Variants in ENOX2 observed in about 807,000 individuals in gnomAD.
The protein encoded by ENOX2 is APK1 antigen.
A neutral mutation model predicts 45.0 loss-of-function variants in ENOX2; 36 were observed. The ratio of observed to expected loss-of-function variants is 0.80; its 90% CI spans 0.61 to 1.06. The LOEUF (loss-of-function observed/expected upper bound fraction) is 1.06, where lower values mean the gene tolerates loss of function less well. ENOX2 is among the 50% of genes least tolerant of loss of function. ENOX2 has a pLI of 0.00. For synonymous variants in ENOX2, 174 were observed against 152.3 expected (o/e 1.14, Z -1.05); for missense variants, 423 against 462.5 (o/e 0.91, Z 0.78).
At chrX:130,897,609 C>T (rs1292571049) in intron 2 of ENOX2, among the ~76,000 whole-genome samples, 2 of 111,928 alleles carry the variant, frequency 1.8e-5, no homozygotes, top group Non-Finnish European at 3.8e-5. Context: ...AATAGCTAAT[C>T]CATACAGTCC....
At chrX:130,633,408 T>G (rs1159595962) in intron 12 of ENOX2, among the ~76,000 whole-genome samples, 1 of 112,686 alleles carries the variant, frequency 8.9e-6, no homozygotes, top group Non-Finnish European at 1.9e-5. Flanking sequence ...GATCAGTTTA[T>G]AATGAACTGT....
At chrX:130,675,273 G>A (rs1176922352) in intron 6 of ENOX2, among the ~76,000 whole-genome samples, 1 of 111,498 alleles carries the variant, frequency 9.0e-6, no homozygotes. Flanking sequence ...ATCCTCTCCA[G>A]CACCTGTTGT....
intron 3 of ENOX2, among the ~76,000 whole-genome samples, chrX:130,741,792 AT>A (rs758850832): frequency 9.0e-6 from 1 of 111,475 alleles, no homozygotes; most frequent in African/African-American, 3.3e-5. Flanking sequence ...GGATACACTA[AT>A]TAAAGGGGGA....
intron 2 of ENOX2, among the ~76,000 whole-genome samples, chrX:130,901,475 A>G (rs1308198951): frequency 8.9e-6 from 1 of 112,838 alleles, no homozygotes; most frequent in Non-Finnish European, 1.9e-5. Flanking sequence ...TGTGGGTTCA[A>G]TAAATAGCAG....
chrX:130,767,193 T>G (rs1371973266), intron 3 of ENOX2, among the ~76,000 whole-genome samples: 1 of 111,736 alleles, frequency 8.9e-6, no homozygotes, highest in Non-Finnish European at 1.9e-5. Flanking sequence ...GCTTTATTAT[T>G]ATTGCTTTTT....
intron 2 of ENOX2, among the ~76,000 whole-genome samples, chrX:130,834,380 G>A (rs1319818392): frequency 9.0e-6 from 1 of 111,161 alleles, no homozygotes; most frequent in African/African-American, 3.3e-5. Flanking sequence ...CCGGTTTCTG[G>A]TCTTGGGCAT....
chrX:130,877,566 C>T (rs771146049), intron 2 of ENOX2, among the ~76,000 whole-genome samples: 4 of 111,879 alleles, frequency 3.6e-5, no homozygotes, highest in Non-Finnish European at 7.5e-5. Context: ...AACTGGCACT[C>T]CATTTTGCAA....
At chrX:130,747,903 A>G (rs1413438079) in intron 3 of ENOX2, among the ~76,000 whole-genome samples, 1 of 112,393 alleles carries the variant, frequency 8.9e-6, no homozygotes, top group African/African-American at 3.2e-5. Flanking sequence ...CGGGCAATTC[A>G]GATTTTAGCT....
At chrX:130,771,367 A>G (rs2039737620) in intron 3 of ENOX2, among the ~76,000 whole-genome samples, 1 of 112,283 alleles carries the variant, frequency 8.9e-6, no homozygotes. Flanking sequence ...GGCCTCAACT[A>G]GCTTGGGACC....
At chrX:130,713,081 G>A (rs1444176056) in intron 3 of ENOX2, among the ~76,000 whole-genome samples, 1 of 112,552 alleles carries the variant, frequency 8.9e-6, no homozygotes, top group Non-Finnish European at 1.9e-5. Flanking sequence ...CACAGATACA[G>A]TTAATGTTGG....
At chrX:130,678,160 A>C (rs2037205090) in intron 6 of ENOX2, among the ~76,000 whole-genome samples, 1 of 110,681 alleles carries the variant, frequency 9.0e-6, no homozygotes, top group South Asian at 3.9e-4. Flanking sequence ...GACACACCCT[A>C]AATCTGAATT....
intron 9 of ENOX2, among the ~76,000 whole-genome samples, chrX:130,663,836 C>T (rs183872020): frequency 6.2e-4 from 69 of 111,795 alleles, no homozygotes; most frequent in Admixed American, 9.5e-4. Context: ...CTCCCCTCCT[C>T]CTCTTGATCA....
chrX:130,863,788 T>C (rs1173793847), intron 2 of ENOX2, among the ~76,000 whole-genome samples: 2 of 112,274 alleles, frequency 1.8e-5, no homozygotes, highest in African/African-American at 6.5e-5. Context: ...ATACCTGTTT[T>C]TAAAATTCAA....
At chrX:130,870,583 G>A (rs1035825273) in intron 2 of ENOX2, among the ~76,000 whole-genome samples, 2 of 111,443 alleles carry the variant, frequency 1.8e-5, no homozygotes, top group African/African-American at 6.5e-5. Context: ...GGGGGGAAGA[G>A]AGGCAATTGT....
At chrX:130,823,597 A>G (rs1277561121) in intron 2 of ENOX2, among the ~76,000 whole-genome samples, 1 of 111,895 alleles carries the variant, frequency 8.9e-6, no homozygotes, top group Non-Finnish European at 1.9e-5. Flanking sequence ...GCCAGCCCAC[A>G]TCCACATATT....
intron 2 of ENOX2, among the ~76,000 whole-genome samples, chrX:130,798,896 G>C (rs2077174864): frequency 1.8e-5 from 2 of 112,253 alleles, no homozygotes; most frequent in African/African-American, 6.5e-5. Context: ...ACTGAATGTG[G>C]TTTGCCGATG....
chrX:130,631,583 A>G lies in ENOX2; in HGVS notation c.1420-7T>C. On this transcript the variant is annotated splice_polypyrimidine_tract_variant and splice_region_variant and intron_variant, in intron 12 of 14. Transcript: ENST00000394363. The stretch of plus-strand genomic sequence containing the variant: ...GCCTAGAAGCACAGCTTTCCTGTGG[A>G]CACAACATGCTTCTAGGTCAGTTCA... The G allele has an allele frequency of 9.2e-7, 1 of 1,083,135 alleles. No individual in the cohort carries two copies. Among genetic ancestry groups the G allele is most frequent in the Non-Finnish European group, 1.3e-6 (1 of 778,471 alleles). 89.3% of individuals were successfully genotyped at this position (1,083,135 alleles called of 1,213,427 possible). A position where few individuals can be genotyped will look rare whatever the true frequency, so the allele number is the denominator to read the frequency against.
intron 2 of ENOX2, among the ~76,000 whole-genome samples, chrX:130,789,740 C>G: frequency 8.9e-6 from 1 of 112,123 alleles, no homozygotes; most frequent in African/African-American, 3.2e-5. Context: ...TGAGGGTCTC[C>G]AAATTTGTTT....
At position 130,667,602 on chromosome X, in the gene ENOX2, C is replaced by T. The variant is rs770256736; in HGVS notation, c.835G>A (p.Ala279Thr). The change falls in exon 8 of 15, where the codon GCT becomes ACT. Residue 279 changes from alanine (A) to threonine (T), a missense_variant. Transcript: ENST00000394363. ...SHVRRLVNEK[A>T]AHEKDMEEAK... is the part of the protein sequence containing the mutation. ...TCTTCCATATCTTTCTCATGGGCAGCTTTCTCGTTCACCAGGCGGCGGACA... is the reference window on the plus strand; with the variant it reads ...TCTTCCATATCTTTCTCATGGGCAGTTTTCTCGTTCACCAGGCGGCGGACA... 2.5e-6 allele frequency: 3 copies of T among 1,211,712 alleles called. No individual in the cohort carries two copies. The East Asian group carries it at 8.9e-5, about 36-fold the overall frequency.
Sources: allele counts gnomAD v4.1 joint callset (sites outside exome capture counted in the v4.1 genomes callset), GRCh38; gene constraint gnomAD v4.1.1; transcripts MANE v1.5; gene names NCBI Gene and HGNC (gene_info 2026-07-23, HGNC 2026-07-21).